The following IL34 variants were observed in gnomAD, a reference collection of about 807,000 sequenced individuals.
IL34 encodes interleukin 34, also known as interleukin-34.
IL34 carries 17 observed loss-of-function variants against 25.3 expected under a neutral mutation model. The ratio of observed to expected loss-of-function variants is 0.67; its 90% CI spans 0.46 to 1.01. IL34 has a LOEUF of 1.01. IL34 is among the 50% of genes least tolerant of loss of function. IL34 has a pLI of 0.00. For missense variants in IL34, 368 were observed against 312.9 expected (o/e 1.18, Z -1.33); for synonymous variants, 174 against 140.9 (o/e 1.23, Z -1.66).
intron 1 of IL34, among the ~76,000 whole-genome samples, chr16:70,648,390 TAAAA>T (rs1427470319): frequency 1.3e-5 from 2 of 151,264 alleles, no homozygotes; most frequent in African/African-American, 4.9e-5. Context: ...ACTCCATCTC[TAAAA>T]AAAGGAAAAT....
intron 5 of IL34, 88 bp from the exon 6 acceptor site, chr16:70,659,908 TG>T (rs2052348371): frequency 6.8e-7 from 1 of 1,477,700 alleles, no homozygotes; most frequent in African/African-American, 1.4e-5. Flanking sequence ...CTGGGTAGAG[TG>T]GGGGACAAGC....
intron 1 of IL34, among the ~76,000 whole-genome samples, chr16:70,636,172 G>A (rs531786270): frequency 1.2e-3 from 178 of 152,116 alleles, no homozygotes; most frequent in Middle Eastern, 0.01. Flanking sequence ...CTGAGTAGCT[G>A]GGATTACAGG....
chr16:70,656,796 G>A, intron 3 of IL34, 117 bp downstream of exon 3: 1 of 998,616 alleles, frequency 1.0e-6, no homozygotes, highest in South Asian at 1.3e-5. Context: ...CCTCTCCTCA[G>A]CCCCGAGAGC....
chr16:70,581,912 G>C (rs1279786731), intron 1 of IL34, among the ~76,000 whole-genome samples: 2 of 149,344 alleles, frequency 1.3e-5, no homozygotes, highest in Non-Finnish European at 3.0e-5. Context: ...GTGAAACCCT[G>C]TCTCTACAAA....
chr16:70,650,767 C>G (rs1567464662), intron 1 of IL34, among the ~76,000 whole-genome samples: 1 of 152,200 alleles, frequency 6.6e-6, no homozygotes, highest in Non-Finnish European at 1.5e-5. Flanking sequence ...GCATCCTAGA[C>G]TGGTTGAGCA....
intron 1 of IL34, among the ~76,000 whole-genome samples, chr16:70,585,056 C>T (rs764150055): frequency 1.2e-4 from 19 of 152,044 alleles, no homozygotes; most frequent in Non-Finnish European, 2.5e-4. Flanking sequence ...ATCTCCAGAA[C>T]TTTTTTCATC....
chr16:70,629,642 G>GA (rs553571461), intron 1 of IL34, among the ~76,000 whole-genome samples: 101 of 151,354 alleles, frequency 6.7e-4, no homozygotes, highest in Admixed American at 1.1e-3. Context: ...GTAATGACAA[G>GA]AAAAATGTCT....
rs574654913 is a variant in IL34 at position 70,618,961 on chromosome 16, T to C, written c.-400-27587T>C. On this transcript the variant is annotated intron_variant, in intron 1 of 6. Transcript: ENST00000429149. Reference sequence around the variant, plus strand: ...TAGTAAAGAAAGCATGTTTGAGATGTAGAACAGAATAATGGGTTATAGAGG... The same window carrying C: ...TAGTAAAGAAAGCATGTTTGAGATGCAGAACAGAATAATGGGTTATAGAGG... Among the ~76,000 whole-genome samples, 1,498 of 152,156 alleles carry C rather than the reference T, an allele frequency of 9.8e-3. 23 individuals are homozygous for C. Among genetic ancestry groups the C allele is most frequent in the African/African-American group, 0.034 (1,429 of 41,478 alleles).
intron 1 of IL34, among the ~76,000 whole-genome samples, chr16:70,634,635 G>C (rs539626257): frequency 1.3e-5 from 2 of 151,288 alleles, no homozygotes; most frequent in Admixed American, 6.6e-5. Flanking sequence ...AGCCGAGATC[G>C]TGTCACTGAA....
chr16:70,649,389 A>T (rs1199394172), intron 1 of IL34, among the ~76,000 whole-genome samples: 1 of 152,200 alleles, frequency 6.6e-6, no homozygotes, highest in African/African-American at 2.4e-5. Context: ...TTGCTATGGA[A>T]AGCGGTGGTA....
At chr16:70,613,371 G>C (rs1010487699) in intron 1 of IL34, among the ~76,000 whole-genome samples, 2 of 152,226 alleles carry the variant, frequency 1.3e-5, no homozygotes, top group Non-Finnish European at 2.9e-5. Flanking sequence ...TTGGAGCGGG[G>C]CGGTTTCCTG....
intron 1 of IL34, among the ~76,000 whole-genome samples, chr16:70,592,237 T>C (rs2050764629): frequency 6.6e-6 from 1 of 152,124 alleles, no homozygotes; most frequent in Non-Finnish European, 1.5e-5. Flanking sequence ...GGCCAGGCAC[T>C]TTCCAGTGTC....
chr16:70,652,072 G>T (rs993820073), intron 1 of IL34, among the ~76,000 whole-genome samples: 4 of 151,984 alleles, frequency 2.6e-5, no homozygotes, highest in Admixed American at 2.6e-4. Context: ...AGGTTGCAGT[G>T]AGCCAAGATT....
chr16:70,659,398 C>T (rs764351627), intron 4 of IL34, among the ~76,000 whole-genome samples: 4 of 152,328 alleles, frequency 2.6e-5, no homozygotes, highest in East Asian at 1.9e-4. Flanking sequence ...GATGGAAAAG[C>T]GAAGCCTCTG....
rs777016133 is a variant in IL34, at chr16:70,660,129, C to G, written c.671C>G (p.Pro224Arg). The change falls in exon 6 of 6, where the codon CCT becomes CGT. Residue 224 changes from proline to arginine, a missense_variant. By Grantham distance (103) the Pro-to-Arg change is moderately radical. Transcript: ENST00000288098. ...CCCCCGTGGTCCCCCAGCTCCCCGC[C>G]TCACTCCACGGGCTCGGTGAGGCCG... ...PPPPWSPSSP[P>R]HSTGSVRPVR... 15 of 1,612,458 alleles carry G rather than the reference C, an allele frequency of 9.3e-6. No individual in the cohort carries two copies. The African/African-American group carries it at 1.7e-4, about 19-fold the overall frequency.
intron 1 of IL34, 131 bp downstream of exon 1, chr16:70,647,106 C>T (rs2051954817): frequency 2.4e-6 from 2 of 832,972 alleles, no homozygotes; most frequent in Non-Finnish European, 3.4e-6. Context: ...GGACTGCAGA[C>T]ACCCTCTGAG....
chr16:70,585,802 G>T (rs2050687559), intron 1 of IL34, among the ~76,000 whole-genome samples: 1 of 150,996 alleles, frequency 6.6e-6, no homozygotes, highest in African/African-American at 2.4e-5. Flanking sequence ...AAAGTGCTGG[G>T]ATTACAGGCG....
chr16:70,582,492 CACATGTGGGCAGTGACTG>C (rs2050646892), intron 1 of IL34, among the ~76,000 whole-genome samples: 3 of 152,238 alleles, frequency 2.0e-5, no homozygotes, highest in Admixed American at 6.5e-5. Context: ...CACCACTTTC[CACATGTGGGCAGTGACTG>C]GACCTCTCCG....
At chr16:70,644,892 G>T (rs117544015), upstream of IL34, among the ~76,000 whole-genome samples, 2,504 of 143,592 alleles carry the variant, frequency 0.017, 152 homozygotes, top group East Asian at 0.16. Context: ...GGAGGTGGAA[G>T]AGGAAGGAGG....
Sources: gnomAD v4.1 joint callset for allele counts (sites outside exome capture counted in the v4.1 genomes callset) on GRCh38, gnomAD v4.1.1 for gene constraint, MANE v1.5 for transcripts, NCBI Gene and HGNC (gene_info 2026-07-23, HGNC 2026-07-21) for gene names.